PPP6R3: variants seen among roughly 807,000 people sequenced by gnomAD.
The protein encoded by PPP6R3 is protein phosphatase 6 regulatory subunit 3, also known as serine/threonine-protein phosphatase 6 regulatory subunit 3.
In PPP6R3, 38 loss-of-function variants were observed where a neutral mutation model predicts 110.7. That is an observed-to-expected ratio of 0.34 (90% CI 0.26 to 0.45). The LOEUF (loss-of-function observed/expected upper bound fraction) is 0.45, where lower values mean the gene tolerates loss of function less well. Ranked by LOEUF, PPP6R3 falls within the 20% of genes least tolerant of loss-of-function variation. The pLI is 1.00. For missense variants in PPP6R3, 870 were observed against 1,062.4 expected (o/e 0.82, Z 2.52); for synonymous variants, 369 against 373.5 (o/e 0.99, Z 0.14).
At chr11:68,516,690 A>G (rs1175843924) in intron 1 of PPP6R3, among the ~76,000 whole-genome samples, 1 of 152,150 alleles carries the variant, frequency 6.6e-6, no homozygotes, top group Non-Finnish European at 1.5e-5. Flanking sequence ...CCCTGCCTTC[A>G]GTTCTTTTGA....
intron 1 of PPP6R3, among the ~76,000 whole-genome samples, chr11:68,474,537 A>G (rs1352313950): frequency 2.0e-5 from 3 of 152,068 alleles, no homozygotes; most frequent in African/African-American, 7.2e-5. Flanking sequence ...CTTTTTTTAT[A>G]TCAACCTTGA....
At chr11:68,578,027 C>T (rs1160941230) in intron 14 of PPP6R3, among the ~76,000 whole-genome samples, 2 of 152,122 alleles carry the variant, frequency 1.3e-5, no homozygotes, top group Non-Finnish European at 2.9e-5. Flanking sequence ...ATTCTTTATT[C>T]CCGAGCCCTT....
chr11:68,507,246 A>T lies in PPP6R3; in HGVS notation c.-157-12255A>T, dbSNP rs11606317. ...GTACTTTTCACAGTAGTCTTTTTGC[A>T]TTTTTTTTTTTTTTTTTTTGGTATA... On this transcript the variant is annotated intron_variant, in intron 1 of 23. Coordinates refer to ENST00000393800, the MANE Select transcript of PPP6R3 (RefSeq NM_001164161.2). Among the ~76,000 whole-genome samples the T allele has an allele frequency of 2.8e-3, 317 of 114,888 alleles. 3 individuals carry two copies. Among genetic ancestry groups the T allele is most frequent in the Middle Eastern group, 9.0e-3 (2 of 222 alleles). 75.4% of individuals were successfully genotyped at this position (114,888 alleles called of 152,430 possible).
At chr11:68,577,902 A>G (rs940211645) in intron 14 of PPP6R3, among the ~76,000 whole-genome samples, 1 of 152,240 alleles carries the variant, frequency 6.6e-6, no homozygotes, top group African/African-American at 2.4e-5. Context: ...TTATAAAGCA[A>G]AAGTGGTTAG....
chr11:68,519,087 G>T (rs1216059898), intron 1 of PPP6R3, among the ~76,000 whole-genome samples: 1 of 152,226 alleles, frequency 6.6e-6, no homozygotes, highest in Non-Finnish European at 1.5e-5. Flanking sequence ...AACGTATTAA[G>T]TGGACTGCCA....
intron 22 of PPP6R3, chr11:68,609,467 A>T (rs1942193543): frequency 1.1e-6 from 1 of 951,686 alleles, no homozygotes; most frequent in East Asian, 2.6e-5. Flanking sequence ...TCATTCCTTC[A>T]AACAGGTTCT....
intron 1 of PPP6R3, among the ~76,000 whole-genome samples, chr11:68,516,439 A>G (rs1335429608): frequency 6.6e-6 from 1 of 152,250 alleles, no homozygotes; most frequent in African/African-American, 2.4e-5. Flanking sequence ...CAACTGAATT[A>G]TATGTTTAGA....
chr11:68,554,509 C>G (rs2099392160), intron 7 of PPP6R3, among the ~76,000 whole-genome samples: 1 of 152,142 alleles, frequency 6.6e-6, no homozygotes, highest in South Asian at 2.1e-4. Flanking sequence ...GTAGAGCCAT[C>G]CTAAGATGTG....
At chr11:68,570,571 C>G (rs1000893744) in intron 11 of PPP6R3, among the ~76,000 whole-genome samples, 1 of 152,208 alleles carries the variant, frequency 6.6e-6, no homozygotes. Flanking sequence ...AGACTTTGGG[C>G]AAAACCCACC....
chr11:68,613,044 A>T (rs1944367709), intron 23 of PPP6R3, 22 bp from the exon 24 acceptor site: 1 of 1,614,038 alleles, frequency 6.2e-7, no homozygotes, highest in African/African-American at 1.3e-5. Flanking sequence ...AGTGCCTCCG[A>T]TGCCTGTCTG....
At chr11:68,602,116 C>A in intron 21 of PPP6R3, 147 bp downstream of exon 21, 1 of 600,632 alleles carries the variant, frequency 1.7e-6, no homozygotes, top group South Asian at 2.2e-5. Context: ...AGAAATTGTG[C>A]CTGTCCTTCT....
At chr11:68,470,942 T>C (rs1269066057) in intron 1 of PPP6R3, among the ~76,000 whole-genome samples, 1 of 151,934 alleles carries the variant, frequency 6.6e-6, no homozygotes, top group African/African-American at 2.4e-5. Context: ...ATATGCTGGA[T>C]TGGGGTGTTC....
Position 68,614,993 on chromosome 11 carries a change from G to C in PPP6R3, c.*1876G>C. The C allele has an allele frequency of 1.8e-6, 1 of 550,398 alleles. No homozygotes were observed. The highest frequency in any genetic ancestry group is 3.5e-6 in the Non-Finnish European group (1 of 287,754). The allele number at this position is 550,398 out of a possible 1,614,324, so 34.1% of individuals were successfully genotyped here. A position where few individuals can be genotyped will look rare whatever the true frequency, so the allele number is the denominator to read the frequency against. On this transcript the variant is annotated 3_prime_UTR_variant, in exon 24 of 24. Transcript: ENST00000393800. ...GACCTGGTGGCTTCTCCATCCCACT[G>C]TGGCCTCTGTGGTATGGACCTGGTG...
At position 68,576,006 on chromosome 11, in the gene PPP6R3, C is replaced by G; in HGVS notation, c.1508C>G (p.Ser503Cys). ...RERWETFCTS[S>C]LGETNKRNTV... ...CGATGGGAGACGTTCTGCACAAGCT[C>G]CTTAGGAGAAACTAACAAGAGGAAC... The change falls in exon 14 of 24, where the codon TCC (serine) becomes TGC (cysteine). Residue 503 changes from serine to cysteine, a missense_variant. Ser to Cys is a moderately radical substitution (Grantham distance 112). Transcript: ENST00000393800. The G allele has an allele frequency of 1.2e-6, 2 of 1,612,078 alleles. No homozygotes were observed. Among genetic ancestry groups the G allele is most frequent in the Non-Finnish European group, 1.7e-6 (2 of 1,178,808 alleles).
intron 2 of PPP6R3, among the ~76,000 whole-genome samples, chr11:68,523,064 G>A (rs1178383086): frequency 2.0e-5 from 3 of 152,184 alleles, no homozygotes; most frequent in Non-Finnish European, 2.9e-5. Context: ...TTATGAAGAG[G>A]AGGTTTTAGT....
At chr11:68,462,458 A>C (rs941941424) in intron 1 of PPP6R3, among the ~76,000 whole-genome samples, 2 of 152,210 alleles carry the variant, frequency 1.3e-5, no homozygotes, top group African/African-American at 4.8e-5. Context: ...TCACAAGCTT[A>C]AGTCGGGCTT....
intron 9 of PPP6R3, among the ~76,000 whole-genome samples, chr11:68,565,315 G>A (rs1216395206): frequency 6.6e-6 from 1 of 151,862 alleles, no homozygotes; most frequent in Non-Finnish European, 1.5e-5. Context: ...TGGTGAGCAG[G>A]TCGTGGTTCC....
At position 68,537,914 on chromosome 11, in the gene PPP6R3, G is replaced by A. The variant is rs761741281; in HGVS notation, c.227+23G>A. The A allele has an allele frequency of 4.5e-6, 7 of 1,547,774 alleles. No individual in the cohort carries two copies. In the South Asian group the frequency reaches 8.0e-5, roughly 18 times the overall value. On this transcript the variant is annotated intron_variant, in intron 3 of 23. Transcript: ENST00000393800. ...CAAGTAAGACAATTCAATCTTCTCT[G>A]TAGAGTGGGACTAAAGTGAAGTGGG... is the stretch of plus-strand genomic sequence containing the variant.
intron 19 of PPP6R3, among the ~76,000 whole-genome samples, chr11:68,600,044 C>T (rs2099626664): frequency 6.6e-6 from 1 of 152,132 alleles, no homozygotes; most frequent in African/African-American, 2.4e-5. Flanking sequence ...ATGGCGTGAA[C>T]CCGGGAGGCG....
Sources: gnomAD v4.1 joint callset for allele counts (sites outside exome capture counted in the v4.1 genomes callset) on GRCh38, gnomAD v4.1.1 for gene constraint, MANE v1.5 for transcripts, NCBI Gene and HGNC (gene_info 2026-07-23, HGNC 2026-07-21) for gene names.